The following QTRT2 variants were observed in gnomAD, a reference collection of about 807,000 sequenced individuals.
QTRT2 encodes the protein queuine tRNA-ribosyltransferase accessory subunit 2, also known as queuine tRNA-ribosyltransferase domain containing 1.
Under a neutral mutation model 44.8 loss-of-function variants are expected in QTRT2, and 32 were observed. The ratio of observed to expected loss-of-function variants is 0.71; its 90% CI spans 0.54 to 0.96. QTRT2 has a LOEUF of 0.96. Ranked by LOEUF, QTRT2 falls within the 40% of genes least tolerant of loss-of-function variation. The pLI is 0.00. For synonymous variants in QTRT2, 182 were observed against 187.4 expected, an observed-to-expected ratio of 0.97 and a Z score of 0.24; for missense variants, 461 against 503.1, an observed-to-expected ratio of 0.92 and a Z score of 0.80.
At chr3:114,082,204 C>CCCCACCA (rs1390512057) in intron 8 of QTRT2, among the ~76,000 whole-genome samples, 2 of 138,864 alleles carry the variant, frequency 1.4e-5, no homozygotes, top group African/African-American at 5.4e-5. Context: ...GATAACCCCA[C>CCCCACCA]CACACACACA....
At chr3:114,073,545 A>G (rs1245779345) in intron 6 of QTRT2, among the ~76,000 whole-genome samples, 1 of 151,862 alleles carries the variant, frequency 6.6e-6, no homozygotes, top group South Asian at 2.1e-4. Flanking sequence ...ACACCCGGCT[A>G]ATTTCTGTAT....
chr3:114,065,117 A>G, intron 2 of QTRT2, 120 bp from the exon 3 acceptor site: 2 of 662,934 alleles, frequency 3.0e-6, no homozygotes, highest in South Asian at 3.8e-5. Flanking sequence ...AAATATTTAG[A>G]CTGGAAGCAG....
intron 9 of QTRT2, 111 bp from the exon 10 acceptor site, chr3:114,085,562 T>A (rs934212860): frequency 2.6e-5 from 23 of 890,090 alleles, no homozygotes; most frequent in Non-Finnish European, 3.6e-5. Context: ...ACTGAACATT[T>A]GCCAGTGATG....
chr3:114,086,868 A>G lies in QTRT2; in HGVS notation c.*964A>G, dbSNP rs1174289604. On this transcript the variant is annotated 3_prime_UTR_variant, in exon 10 of 10. Transcript: ENST00000281273. ...GGATAGGAATGAATGAACTTTTAAG[A>G]TACTGTCTAGCTCTAAAATTGGAAG... 3 of 152,220 alleles carry G rather than the reference A, an allele frequency of 2.0e-5. No individual in the cohort carries two copies. Among genetic ancestry groups the G allele is most frequent in the Non-Finnish European group, 4.4e-5 (3 of 68,044 alleles). 9.4% of individuals were successfully genotyped at this position (152,220 alleles called of 1,614,324 possible).
chr3:114,065,349 C>T lies in QTRT2; in HGVS notation c.92C>T (p.Pro31Leu). ...ACAGGGGACCACACCATGGATATTC[C>T]AGGCTGCCTTCTGTATACCAAGACT... ...GKTGDHTMDI[P>L]GCLLYTKTGS... The change falls in exon 3 of 10, where the codon CCA (proline) becomes CTA (leucine). Residue 31 changes from proline to leucine, a missense_variant. By Grantham distance (98) the Pro-to-Leu change is moderately conservative. Coordinates refer to ENST00000281273, the MANE Select transcript of QTRT2 (RefSeq NM_024638.4). The T allele has an allele frequency of 6.2e-7, 1 of 1,614,088 alleles. No individual in the cohort carries two copies. Among genetic ancestry groups the T allele is most frequent in the East Asian group, 2.2e-5 (1 of 44,880 alleles).
chr3:114,064,870 T>C (rs1247836717), intron 2 of QTRT2, among the ~76,000 whole-genome samples: 4 of 152,184 alleles, frequency 2.6e-5, no homozygotes, highest in African/African-American at 4.8e-5. Context: ...GCCTAAGCAG[T>C]GTTACTGTTC....
Position 114,065,248 on chromosome 3 carries a change from A to G in QTRT2, c.-10A>G. On this transcript the variant is annotated 5_prime_UTR_variant, in exon 3 of 10. Transcript: ENST00000281273. ...TCTTTTCTTGACAGGACCTAGAAGA[A>G]TCCCTTAGGATGAAGCTGAGTCTTA... 6.2e-7 allele frequency: 1 copy of G among 1,613,186 alleles called. No homozygotes were observed. The highest frequency in any genetic ancestry group is 8.5e-7 in the Non-Finnish European group (1 of 1,179,362).
At chr3:114,072,726 A>AT (rs1245067110) in intron 6 of QTRT2, among the ~76,000 whole-genome samples, 1 of 152,070 alleles carries the variant, frequency 6.6e-6, no homozygotes, top group East Asian at 1.9e-4. Context: ...TTCTCCATAT[A>AT]TTACCTGGGT....
chr3:114,070,603 CTCA>C lies in QTRT2; in HGVS notation c.334-18_334-16del. ...ATTTGCATTTTACTCTTGCTAATTC[CTCA>C]TCATTTTGCTCCATGGCAGTCTGTG... On this transcript the variant is annotated intron_variant, in intron 5 of 9. Transcript: ENST00000281273. 1 of 1,594,018 alleles carries C rather than the reference CTCA, an allele frequency of 6.3e-7. No homozygotes were observed. Among genetic ancestry groups the C allele is most frequent in the East Asian group, 2.2e-5 (1 of 44,722 alleles).
Position 114,065,869 on chromosome 3 carries a change from A to G in QTRT2, c.201-359A>G, listed in dbSNP as rs146948813. Among the ~76,000 whole-genome samples the G allele has an allele frequency of 9.6e-4, 147 of 152,358 alleles. 4 individuals are homozygous for G. In the East Asian group the frequency reaches 0.016, roughly 16 times the overall value. On this transcript the variant is annotated intron_variant, in intron 3 of 9. Transcript: ENST00000281273. ...AAAGTTAGATCATTTTGTGTAATGTATATACTGACTTTATACTTAATTGAA... is the reference window on the plus strand; with the variant it reads ...AAAGTTAGATCATTTTGTGTAATGTGTATACTGACTTTATACTTAATTGAA...
At position 114,084,076 on chromosome 3, in the gene QTRT2, TG is replaced by T. The variant is rs1223961534; in HGVS notation, c.1016+1283del. Among the ~76,000 whole-genome samples, 225 of 147,072 alleles carry T rather than the reference TG, an allele frequency of 1.5e-3. 1 individual carries two copies. The highest frequency in any genetic ancestry group is 4.5e-3 in the African/African-American group (178 of 39,514). On this transcript the variant is annotated intron_variant, in intron 9 of 9. Coordinates refer to ENST00000281273, the MANE Select transcript of QTRT2 (RefSeq NM_024638.4). ...CACTTTTTTCTTTTTTTTTTTTTTT[TG>T]TGGGGGGCAGAGTGTAGCTCTGTTG...
rs2076942437 is a variant in QTRT2 at position 114,065,561 on chromosome 3, T to A, written c.200+104T>A. The stretch of plus-strand genomic sequence containing the variant: ...TTTTTTTGTTCATATATATAAATTG[T>A]CGATTTTCATAATGAAATCAGAAGA... On this transcript the variant is annotated intron_variant, in intron 3 of 9. Coordinates refer to ENST00000281273, the MANE Select transcript of QTRT2 (RefSeq NM_024638.4). The A allele has an allele frequency of 3.6e-6, 3 of 843,292 alleles. No homozygotes were observed. The South Asian group carries it at 5.3e-5, about 15-fold the overall frequency. The allele number at this position is 843,292 out of a possible 1,614,324, so 52.2% of individuals were successfully genotyped here.
chr3:114,081,215 G>A (rs2077161963), intron 8 of QTRT2, among the ~76,000 whole-genome samples: 1 of 152,178 alleles, frequency 6.6e-6, no homozygotes, highest in Non-Finnish European at 1.5e-5. Flanking sequence ...TAGTTTGAAT[G>A]TTTAAACAAA....
At chr3:114,067,159 G>T (rs1311347119) in intron 4 of QTRT2, among the ~76,000 whole-genome samples, 1 of 152,002 alleles carries the variant, frequency 6.6e-6, no homozygotes, top group East Asian at 1.9e-4. Context: ...TTTTAGTAGA[G>T]GAATTTATGG....
intron 2 of QTRT2, among the ~76,000 whole-genome samples, chr3:114,059,540 A>T: frequency 6.6e-6 from 1 of 152,242 alleles, no homozygotes. Flanking sequence ...ATTATAAAAA[A>T]CATTTACCAT....
intron 6 of QTRT2, among the ~76,000 whole-genome samples, chr3:114,076,412 T>G (rs1343915549): frequency 6.6e-6 from 1 of 152,148 alleles, no homozygotes; most frequent in Non-Finnish European, 1.5e-5. Flanking sequence ...GCTCAAGTGA[T>G]CCTCCTGCCT....
intron 6 of QTRT2, among the ~76,000 whole-genome samples, chr3:114,075,402 G>C (rs1430645498): frequency 6.6e-6 from 1 of 151,684 alleles, no homozygotes; most frequent in Non-Finnish European, 1.5e-5. Flanking sequence ...TTAGAGTATT[G>C]GTTGGAGCTC....
chr3:114,074,334 A>G (rs1008544339), intron 6 of QTRT2, among the ~76,000 whole-genome samples: 1 of 152,268 alleles, frequency 6.6e-6, no homozygotes, highest in South Asian at 2.1e-4. Context: ...TCTTATCACC[A>G]TCTACCTGTA....
chr3:114,072,173 G>T (rs752557497), intron 6 of QTRT2, among the ~76,000 whole-genome samples: 2 of 151,134 alleles, frequency 1.3e-5, no homozygotes, highest in Non-Finnish European at 2.9e-5. Flanking sequence ...TTTTGAGACA[G>T]TCTCACTCTA....
Sources: allele counts gnomAD v4.1 joint callset (sites outside exome capture counted in the v4.1 genomes callset), GRCh38; gene constraint gnomAD v4.1.1; transcripts MANE v1.5; gene names NCBI Gene and HGNC (gene_info 2026-07-23, HGNC 2026-07-21).